The following GALNT13 variants were observed in gnomAD, a reference collection of about 807,000 sequenced individuals.
GALNT13 encodes the protein polypeptide N-acetylgalactosaminyltransferase 13.
In GALNT13, 28 loss-of-function variants were observed where a neutral mutation model predicts 64.2. That is an observed-to-expected ratio of 0.44 (90% CI 0.32 to 0.60). GALNT13 has a LOEUF of 0.60. Among genes scored for constraint, GALNT13 ranks in the 20% least tolerant of loss-of-function variants. The pLI, the probability that GALNT13 is intolerant of heterozygous loss-of-function variation, is 0.05. For missense variants in GALNT13, 577 were observed against 669.8 expected, an observed-to-expected ratio of 0.86 and a Z score of 1.53; for synonymous variants, 214 against 224.6, an observed-to-expected ratio of 0.95 and a Z score of 0.42.
At chr2:153,973,009 G>A (rs1006475138) in intron 3 of GALNT13, among the ~76,000 whole-genome samples, 1 of 151,960 alleles carries the variant, frequency 6.6e-6, no homozygotes, top group Non-Finnish European at 1.5e-5. Context: ...AATTCTCAAT[G>A]ACATAGAATA....
intron 1 of GALNT13, among the ~76,000 whole-genome samples, chr2:153,874,310 A>G (rs529939671): frequency 3.3e-5 from 5 of 151,934 alleles, no homozygotes; most frequent in East Asian, 3.9e-4. Context: ...TCCACCTTCA[A>G]TTCCATGGAG....
chr2:154,106,490 T>TCTGTTGAATA (rs1305471048), intron 3 of GALNT13, among the ~76,000 whole-genome samples: 3 of 151,978 alleles, frequency 2.0e-5, no homozygotes, highest in Non-Finnish European at 4.4e-5. Context: ...GTTGAATATA[T>TCTGTTGAATA]TTACATGAGT....
the GALNT13 span, among the ~76,000 whole-genome samples, chr2:153,303,204 C>T: frequency 5.3e-5 from 8 of 152,004 alleles, no homozygotes; most frequent in African/African-American, 1.9e-4. Flanking sequence ...CTTGCATTTT[C>T]TTCCATTTTT....
At chr2:153,555,332 C>A in the GALNT13 span, among the ~76,000 whole-genome samples, 2 of 134,936 alleles carry the variant, frequency 1.5e-5, no homozygotes, top group African/African-American at 5.8e-5. Flanking sequence ...GTAGCTGGGA[C>A]TACAGGCGCC....
At chr2:154,306,424 T>C (rs963233721) in intron 9 of GALNT13, among the ~76,000 whole-genome samples, 1 of 152,064 alleles carries the variant, frequency 6.6e-6, no homozygotes, top group Non-Finnish European at 1.5e-5. Flanking sequence ...TCCTGCGTTA[T>C]ATCATTCTGT....
chr2:153,238,041 A>G, the GALNT13 span, among the ~76,000 whole-genome samples: 2 of 152,034 alleles, frequency 1.3e-5, no homozygotes, highest in East Asian at 3.9e-4. Context: ...CTGGGATGAG[A>G]TGATGTCTCA....
chr2:153,194,648 T>A, the GALNT13 span, among the ~76,000 whole-genome samples: 3 of 152,218 alleles, frequency 2.0e-5, no homozygotes, highest in Non-Finnish European at 1.5e-5. Context: ...ATTTCCTTGC[T>A]TTTTCCTGTT....
the GALNT13 span, among the ~76,000 whole-genome samples, chr2:153,778,747 T>G: frequency 6.6e-6 from 1 of 152,200 alleles, no homozygotes; most frequent in African/African-American, 2.4e-5. Context: ...TTTAAAAAAT[T>G]TGTATAAATT....
intron 9 of GALNT13, among the ~76,000 whole-genome samples, chr2:154,354,400 T>C (rs1402988388): frequency 1.4e-5 from 2 of 139,110 alleles, no homozygotes; most frequent in African/African-American, 2.6e-5. Context: ...TAGTTTGATG[T>C]AGTCCTTTTT....
chr2:153,525,541 T>C, the GALNT13 span, among the ~76,000 whole-genome samples: 1 of 152,110 alleles, frequency 6.6e-6, no homozygotes, highest in Non-Finnish European at 1.5e-5. Flanking sequence ...TCCTGTCATA[T>C]CAGTGGTGGG....
At chr2:153,723,674 A>G in the GALNT13 span, among the ~76,000 whole-genome samples, 1 of 152,252 alleles carries the variant, frequency 6.6e-6, no homozygotes, top group Admixed American at 6.5e-5. Context: ...ACAAACAGAG[A>G]GCCAAATCAT....
chr2:153,152,416 T>C, the GALNT13 span, among the ~76,000 whole-genome samples: 4 of 152,014 alleles, frequency 2.6e-5, no homozygotes, highest in Admixed American at 6.6e-5. Flanking sequence ...ACTTTCTTTT[T>C]TTTTCATTTC....
At chr2:153,224,826 A>T in the GALNT13 span, among the ~76,000 whole-genome samples, 3 of 152,204 alleles carry the variant, frequency 2.0e-5, no homozygotes, top group Non-Finnish European at 4.4e-5. Context: ...AGCCCTTTAC[A>T]TATTAAATAT....
chr2:153,354,155 A>G, the GALNT13 span: 1 of 152,172 alleles, frequency 6.6e-6, no homozygotes, highest in African/African-American at 2.4e-5. Flanking sequence ...AATTGATTCC[A>G]TTTAATCAAT....
the GALNT13 span, among the ~76,000 whole-genome samples, chr2:153,740,358 TATTAA>T: frequency 1.3e-5 from 2 of 152,094 alleles, no homozygotes; most frequent in Non-Finnish European, 2.9e-5. Context: ...TGTATTCTGG[TATTAA>T]ACCTATCCAG....
chr2:153,966,873 C>A (rs1463136476), intron 3 of GALNT13, among the ~76,000 whole-genome samples: 1 of 152,020 alleles, frequency 6.6e-6, no homozygotes, highest in African/African-American at 2.4e-5. Flanking sequence ...CTTAGATTAT[C>A]CCTTTTGAGG....
chr2:153,913,051 T>TGCCAGTGTTGGTGTTA (rs1230812130), intron 2 of GALNT13, among the ~76,000 whole-genome samples: 23 of 152,148 alleles, frequency 1.5e-4, no homozygotes, highest in Admixed American at 1.5e-3. Context: ...CATGTGTTTA[T>TGCCAGTGTTGGTGTTA]GCCAGTGTTG....
intron 3 of GALNT13, among the ~76,000 whole-genome samples, chr2:153,995,415 G>A (rs1695455684): frequency 6.6e-6 from 1 of 152,126 alleles, no homozygotes. Context: ...AGGGTTGTAT[G>A]TAAATTAATA....
At chr2:153,768,385 G>A in the GALNT13 span, among the ~76,000 whole-genome samples, 1 of 152,106 alleles carries the variant, frequency 6.6e-6, no homozygotes, top group Non-Finnish European at 1.5e-5. Context: ...TGATGTCACT[G>A]GGGTGTTGAA....
Sources: allele counts gnomAD v4.1 joint callset (sites outside exome capture counted in the v4.1 genomes callset), GRCh38; gene constraint gnomAD v4.1.1; transcripts MANE v1.5; gene names NCBI Gene and HGNC (gene_info 2026-07-23, HGNC 2026-07-21).